The following JAK3 variants were observed in gnomAD, a reference collection of about 807,000 sequenced individuals.
JAK3 encodes the protein tyrosine-protein kinase JAK3.
JAK3 carries 88 observed loss-of-function variants against 120.8 expected under a neutral mutation model. The observed-to-expected ratio is 0.73, with a 90% CI of 0.61 to 0.87. JAK3 has a LOEUF of 0.87. Ranked by LOEUF, JAK3 falls within the 40% of genes least tolerant of loss-of-function variation. JAK3 has a pLI of 0.00. For synonymous variants in JAK3, 592 were observed against 628.6 expected (o/e 0.94, Z 0.87); for missense variants, 1,254 against 1,501.4 (o/e 0.84, Z 2.72).
Position 17,842,936 on chromosome 19 carries a change from A to T in JAK3, c.566+91T>A. ...GGAACACCCTGAAAGCTTGCAGGAG[A>T]ACTCCATGGTGGGAGCCCGGCAAAG... On this transcript the variant is annotated intron_variant, in intron 5 of 23. Transcript: ENST00000458235. The surrounding 1 kb of genome is among the most constrained non-coding windows in gnomAD (Gnocchi z 6.4). 1 of 1,547,196 alleles carries T rather than the reference A, an allele frequency of 6.5e-7. No homozygotes were observed. Among genetic ancestry groups the T allele is most frequent in the East Asian group, 2.2e-5 (1 of 44,530 alleles).
Position 17,825,013 on chromosome 19 carries a change from A to G in JAK3, c.*1730T>C, listed in dbSNP as rs764344210. 4 of 225,194 alleles carry G rather than the reference A, an allele frequency of 1.8e-5. No homozygotes were observed. Among genetic ancestry groups the G allele is most frequent in the East Asian group, 6.4e-5 (1 of 15,652 alleles). 13.9% of individuals were successfully genotyped at this position (225,194 alleles called of 1,614,324 possible). On this transcript the variant is annotated 3_prime_UTR_variant, in exon 24 of 24. Transcript: ENST00000458235. Reference sequence around the variant, plus strand: ...TGGTAGCTGGAGTTTTGAGAGATGGATAAGAGTTTTCCAAGGAGGCAAAAG... The same window carrying G: ...TGGTAGCTGGAGTTTTGAGAGATGGGTAAGAGTTTTCCAAGGAGGCAAAAG...
intron 12 of JAK3, among the ~76,000 whole-genome samples, 189 bp downstream of exon 12, chr19:17,837,743 G>A (rs947629806): frequency 2.0e-5 from 3 of 150,760 alleles, no homozygotes; most frequent in Non-Finnish European, 4.4e-5. Context: ...ACGAGGTCTC[G>A]CTATGTTGCC....
In JAK3 at chr19:17,835,008, G is replaced by T. The variant is rs749686438; in HGVS notation, c.2048-5C>A. ...AGGGGATCCTGTCGGTGAGCACTGA[G>T]GGAATGAAAGTGGGATCAGGGATCC... is the stretch of plus-strand genomic sequence containing the variant. On this transcript the variant is annotated splice_region_variant and splice_polypyrimidine_tract_variant and intron_variant, in intron 15 of 23. Transcript: ENST00000458235. 3.7e-6 allele frequency: 6 copies of T among 1,614,014 alleles called. No individual in the cohort carries two copies. In the East Asian group the frequency reaches 1.3e-4, roughly 36 times the overall value.
Position 17,826,601 on chromosome 19 carries a change from C to T in JAK3, c.*142G>A. 1.1e-6 allele frequency: 1 copy of T among 902,726 alleles called. No individual in the cohort carries two copies. The highest frequency in any genetic ancestry group is 1.8e-6 in the Non-Finnish European group (1 of 541,300). The allele number at this position is 902,726 out of a possible 1,614,324, so 55.9% of individuals were successfully genotyped here. ...CAGGCTATTCTACAGGCCACGGGAG[C>T]CCCCCCAAATGCAATGTCATGGGGG... On this transcript the variant is annotated 3_prime_UTR_variant, in exon 24 of 24. Transcript: ENST00000458235.
At position 17,841,891 on chromosome 19, in the gene JAK3, C is replaced by G; in HGVS notation, c.862-129G>C. 2.3e-6 allele frequency: 3 copies of G among 1,313,578 alleles called. No individual in the cohort carries two copies. The highest frequency in any genetic ancestry group is 3.2e-6 in the Non-Finnish European group (3 of 951,308). 81.4% of individuals were successfully genotyped at this position (1,313,578 alleles called of 1,614,324 possible). On this transcript the variant is annotated intron_variant, in intron 6 of 23. Coordinates refer to ENST00000458235, the MANE Select transcript of JAK3 (RefSeq NM_000215.4). The surrounding 1 kb of genome is among the most constrained non-coding windows in gnomAD (Gnocchi z 4.1). Reference sequence around the variant, plus strand: ...CCATTCAACCCTTCCAAGCCGCGCCCCCTCCTATCAACTCCAACCTCTCAA... The same window carrying G: ...CCATTCAACCCTTCCAAGCCGCGCCGCCTCCTATCAACTCCAACCTCTCAA...
intron 10 of JAK3, 28 bp from the exon 11 acceptor site, chr19:17,838,418 C>G: frequency 6.2e-7 from 1 of 1,614,074 alleles, no homozygotes; most frequent in Non-Finnish European, 8.5e-7. Context: ...GGGAGAAAAA[C>G]CAGAAATCAG....
At position 17,831,352 on chromosome 19, in the gene JAK3, C is replaced by A. The variant is rs762179562; in HGVS notation, c.2854G>T (p.Ala952Ser). The A allele has an allele frequency of 5.6e-6, 9 of 1,610,046 alleles. No individual in the cohort carries two copies. In the East Asian group the frequency reaches 1.8e-4, roughly 32 times the overall value. Residue 952 changes from alanine (A) to serine (S), a missense_variant, in exon 21 of 24, where the codon GCC (alanine) becomes TCC (serine). By Grantham distance (99) the Ala-to-Ser change is moderately conservative. This residue lies in a region of JAK3 where 630 missense variants were observed against 819.8 expected (regional missense o/e 0.77). Transcript: ENST00000458235. This position sits in a 1 kb window ranked among gnomAD's most constrained non-coding sequence, Gnocchi z 5.1. Reference sequence around the variant, plus strand: ...TCGCTCTCCACGAGGATGTTTCGGGCGGCCAGGTCGCGGTGCACGCAGCGG... The same window carrying A: ...TCGCTCTCCACGAGGATGTTTCGGGAGGCCAGGTCGCGGTGCACGCAGCGG... ...SRRCVHRDLA[A>S]RNILVESEAH...
At chr19:17,845,094 A>C (rs2094249142) in intron 1 of JAK3, among the ~76,000 whole-genome samples, 1 of 152,228 alleles carries the variant, frequency 6.6e-6, no homozygotes, top group Non-Finnish European at 1.5e-5. Context: ...AGCAGGGCGC[A>C]GTGGCTCATG....
rs760856974 is a variant in JAK3 at position 17,827,717 on chromosome 19, T to TA, written c.3208-808dup. ...CAACATGGAGAAACCCCATCTTAACTAAAAAAAAAAAAAAAAAAAAAAAAA... is the reference window on the plus strand; with the variant it reads ...CAACATGGAGAAACCCCATCTTAACTAAAAAAAAAAAAAAAAAAAAAAAAAA... On this transcript the variant is annotated intron_variant, in intron 23 of 23. Transcript: ENST00000458235. Among the ~76,000 whole-genome samples the TA allele has an allele frequency of 6.1e-3, 472 of 77,638 alleles. 35 individuals carry two copies. The highest frequency in any genetic ancestry group is 7.9e-3 in the Non-Finnish European group (344 of 43,330). The allele number at this position is 77,638 out of a possible 152,430, so 50.9% of individuals were successfully genotyped here.
chr19:17,826,745 AT>A lies in JAK3; in HGVS notation c.3372del (p.Ter1125SerfsTer13), dbSNP rs781343744. On this transcript the variant is annotated frameshift_variant, in exon 24 of 24. Coordinates refer to ENST00000458235, the MANE Select transcript of JAK3 (RefSeq NM_000215.4). LOFTEE classifies it high-confidence loss of function. ...ATCCAGAGGTCTGCGGGCAGGAGCT[AT>A]GAAAAGGACAGGGAGTGGTGTTTGC... The part of the protein sequence containing the change: ...PEGKHHSLSF[S>X] The A allele has an allele frequency of 1.9e-6, 3 of 1,614,074 alleles. No individual in the cohort carries two copies. The South Asian group carries it at 3.3e-5, about 18-fold the overall frequency.
At chr19:17,827,639 G>A (rs575872381) in intron 23 of JAK3, among the ~76,000 whole-genome samples, 15 of 141,454 alleles carry the variant, frequency 1.1e-4, no homozygotes, top group South Asian at 2.3e-4. Context: ...GAGCCACCGC[G>A]CCCAGCCCTT....
chr19:17,847,088 G>C (rs1365408989), intron 1 of JAK3, among the ~76,000 whole-genome samples: 1 of 152,082 alleles, frequency 6.6e-6, no homozygotes, highest in East Asian at 1.9e-4. Context: ...AGTAGAGATA[G>C]GGTTTCACCA....
Position 17,843,839 on chromosome 19 carries a change from G to A in JAK3, c.246C>T (p.Phe82=), listed in dbSNP as rs778425216. Residue 82 remains phenylalanine, a synonymous_variant, in exon 3 of 24, where the codon TTC becomes TTT. Coordinates refer to ENST00000458235, the MANE Select transcript of JAK3 (RefSeq NM_000215.4). This position sits in a 1 kb window ranked among gnomAD's most constrained non-coding sequence, Gnocchi z 5.4. ...CCACGGAGAAGATGTGGCTCGGGGGGAACCAGCAGGACAGGTCCTCCGTGG... is the reference window on the plus strand; with the variant it reads ...CCACGGAGAAGATGTGGCTCGGGGGAAACCAGCAGGACAGGTCCTCCGTGG... ...ALATEDLSCW[F]PPSHIFSVED... The A allele has an allele frequency of 1.9e-6, 3 of 1,613,384 alleles. No homozygotes were observed. The highest frequency in any genetic ancestry group is 1.1e-5 in the South Asian group (1 of 91,086).
chr19:17,837,098 G>C, intron 13 of JAK3, 31 bp downstream of exon 13: 2 of 1,468,944 alleles, frequency 1.4e-6, no homozygotes, highest in Non-Finnish European at 1.9e-6. Context: ...GGGTGAGGCA[G>C]GGGTGGGGTG....
chr19:17,826,687 C>T lies in JAK3; in HGVS notation c.*56G>A. 1.9e-6 allele frequency: 3 copies of T among 1,600,696 alleles called. No homozygotes were observed. The highest frequency in any genetic ancestry group is 1.7e-6 in the Non-Finnish European group (2 of 1,167,968). Reference sequence around the variant, plus strand: ...AGGCCCAGAGAGGGGCAGCTCCGGGCCTAAGGTCACACAGCCAGTCAACAG... The same window carrying T: ...AGGCCCAGAGAGGGGCAGCTCCGGGTCTAAGGTCACACAGCCAGTCAACAG... On this transcript the variant is annotated 3_prime_UTR_variant, in exon 24 of 24. Coordinates refer to ENST00000458235, the MANE Select transcript of JAK3 (RefSeq NM_000215.4).
intron 1 of JAK3, among the ~76,000 whole-genome samples, chr19:17,845,053 G>A (rs1028229986): frequency 6.6e-6 from 1 of 152,160 alleles, no homozygotes; most frequent in African/African-American, 2.4e-5. Context: ...TGAAGAAAGT[G>A]TTGGGAAAAA....
chr19:17,835,898 G>T, intron 14 of JAK3, 26 bp downstream of exon 14: 1 of 1,613,176 alleles, frequency 6.2e-7, no homozygotes, highest in Non-Finnish European at 8.5e-7. Flanking sequence ...GGGAATGGAG[G>T]GTGGAGCAGG....
chr19:17,830,630 G>C lies in JAK3; in HGVS notation c.2979-10C>G. 6.2e-7 allele frequency: 1 copy of C among 1,609,062 alleles called. No homozygotes were observed. Among genetic ancestry groups the C allele is most frequent in the Non-Finnish European group, 8.5e-7 (1 of 1,175,932 alleles). On this transcript the variant is annotated splice_polypyrimidine_tract_variant and intron_variant, in intron 21 of 23. Coordinates refer to ENST00000458235, the MANE Select transcript of JAK3 (RefSeq NM_000215.4). The stretch of plus-strand genomic sequence containing the variant: ...GGATTCGGGGGCATACCTGGAGAGG[G>C]GACAAGGTCTTGAGATGCGAGGGTG...
At position 17,843,046 on chromosome 19, in the gene JAK3, C is replaced by A. The variant is rs1236803438; in HGVS notation, c.547G>T (p.Glu183Ter). The A allele has an allele frequency of 6.2e-7, 1 of 1,610,594 alleles. No individual in the cohort carries two copies. Among genetic ancestry groups the A allele is most frequent in the Non-Finnish European group, 8.5e-7 (1 of 1,179,934 alleles). ...MAREQAQRPG[E>*]LLKTVSYKAC... is the part of the protein sequence containing the mutation. ...TCTCACCTGACAGTCTTCAGCAGCT[C>A]TCCCGGCCGCTGGGCCTGCTCTCGC... Residue 183 changes from glutamate to a stop codon, truncating the protein, a stop_gained, in exon 5 of 24, where the codon GAG (glutamate) becomes TAG (stop). Coordinates refer to ENST00000458235, the MANE Select transcript of JAK3 (RefSeq NM_000215.4). LOFTEE classifies it high-confidence loss of function. This position sits in a 1 kb window ranked among gnomAD's most constrained non-coding sequence, Gnocchi z 5.4.
Sources: gnomAD v4.1 joint callset for allele counts (sites outside exome capture counted in the v4.1 genomes callset) on GRCh38, gnomAD v4.1.1 for gene constraint, gnomAD v4.1.1 regional missense constraint, Gnocchi (gnomAD v3.1) non-coding constraint, MANE v1.5 for transcripts, NCBI Gene and HGNC (gene_info 2026-07-23, HGNC 2026-07-21) for gene names.